The following CDRT4 variants were observed in gnomAD, a reference collection of about 807,000 sequenced individuals.
CDRT4 encodes the protein CMT1A duplicated region transcript 4, also known as CMT1A duplicated region transcript 4 protein.
For synonymous variants in CDRT4, 64 were observed against 69.6 expected (o/e 0.92, Z 0.40); for missense variants, 167 against 193.1 (o/e 0.87, Z 0.80).
rs192262741 is a variant in CDRT4, at chr17:15,464,372, G to C, written c.-130+3088C>G. 1.7e-3 allele frequency among the ~76,000 whole-genome samples: 266 copies of C among 152,244 alleles called. 7 individuals carry two copies. Among genetic ancestry groups the C allele is most frequent in the Admixed American group, 0.016 (251 of 15,290 alleles). ...TGGCCCCTGGCACAAGTCAAAGGAGGAAATGATTAGCACGGGTCCATGAGC... is the reference window on the plus strand; with the variant it reads ...TGGCCCCTGGCACAAGTCAAAGGAGCAAATGATTAGCACGGGTCCATGAGC... On this transcript the variant is annotated intron_variant, in intron 1 of 3. Transcript: ENST00000619038. This position sits in a 1 kb window ranked among gnomAD's most constrained non-coding sequence, Gnocchi z 4.5.
chr17:15,453,108 G>A (rs934495406), intron 1 of CDRT4, 23 bp from the exon 2 acceptor site: 1 of 152,196 alleles, frequency 6.6e-6, no homozygotes, highest in African/African-American at 2.4e-5. Context: ...GAATGAGGAA[G>A]GTTAACTGGC....
At chr17:15,448,262 T>C (rs189103017) in intron 2 of CDRT4, among the ~76,000 whole-genome samples, 1 of 152,280 alleles carries the variant, frequency 6.6e-6, no homozygotes, top group Non-Finnish European at 1.5e-5. Context: ...AGTCTCCACT[T>C]CTAAGGAACT....
In CDRT4 at chr17:15,464,051, G is replaced by A. The variant is rs1216162963; in HGVS notation, c.-130+3409C>T. The stretch of plus-strand genomic sequence containing the variant: ...GGGACCAGGAACCCAATGCCCTCTA[G>A]GAGTATGGCATGGAGGGGCAGACCT... On this transcript the variant is annotated intron_variant, in intron 1 of 3. Coordinates refer to ENST00000619038, the MANE Select transcript of CDRT4 (RefSeq NM_001204477.2). The surrounding 1 kb of genome is among the most constrained non-coding windows in gnomAD (Gnocchi z 4.5). 2.0e-5 allele frequency among the ~76,000 whole-genome samples: 3 copies of A among 152,224 alleles called. No individual in the cohort carries two copies. In the East Asian group the frequency reaches 5.8e-4, roughly 29 times the overall value.
In CDRT4 at chr17:15,436,635, C is replaced by A. The variant is rs1052147133; in HGVS notation, c.*1138G>T. On this transcript the variant is annotated 3_prime_UTR_variant, in exon 4 of 4. Transcript: ENST00000619038. ...CTGCCAGGAGCTCCTCCCCCAAGCA[C>A]TTGGTTCCACAAGGCAAACCCCAGA... is the stretch of plus-strand genomic sequence containing the variant. 1 of 152,234 alleles carries A rather than the reference C, an allele frequency of 6.6e-6. No homozygotes were observed. The highest frequency in any genetic ancestry group is 1.5e-5 in the Non-Finnish European group (1 of 68,058). 9.4% of individuals were successfully genotyped at this position (152,234 alleles called of 1,614,324 possible). A position where few individuals can be genotyped will look rare whatever the true frequency, so the allele number is the denominator to read the frequency against.
At chr17:15,459,530 C>T (rs558137140) in intron 1 of CDRT4, among the ~76,000 whole-genome samples, 5 of 150,738 alleles carry the variant, frequency 3.3e-5, no homozygotes, top group South Asian at 4.2e-4. Flanking sequence ...CTGCAAGCTC[C>T]GCCTCCTGGA....
chr17:15,453,440 A>G (rs1356371871), intron 1 of CDRT4, among the ~76,000 whole-genome samples: 1 of 152,190 alleles, frequency 6.6e-6, no homozygotes, highest in Non-Finnish European at 1.5e-5. Flanking sequence ...CCAATTAAAC[A>G]AAAAGGGTTT....
At chr17:15,466,654 C>A (rs1980056213) in intron 1 of CDRT4, among the ~76,000 whole-genome samples, 1 of 152,168 alleles carries the variant, frequency 6.6e-6, no homozygotes, top group Non-Finnish European at 1.5e-5. Context: ...CAGACACACA[C>A]CTGGACTCAA....
chr17:15,445,790 G>A (rs1374700982), intron 2 of CDRT4, among the ~76,000 whole-genome samples: 3 of 152,098 alleles, frequency 2.0e-5, no homozygotes, highest in African/African-American at 7.2e-5. Flanking sequence ...TCTCTTCTCT[G>A]CTCCAATCTG....
chr17:15,467,096 T>C (rs1980077273), intron 1 of CDRT4, among the ~76,000 whole-genome samples: 1 of 152,122 alleles, frequency 6.6e-6, no homozygotes, highest in African/African-American at 2.4e-5. Flanking sequence ...ATTTTGTGTG[T>C]GTGTGTTTTG....
intron 2 of CDRT4, among the ~76,000 whole-genome samples, chr17:15,444,732 G>C (rs939057925): frequency 2.0e-5 from 3 of 150,906 alleles, no homozygotes; most frequent in Admixed American, 6.6e-5. Context: ...GAGAGAGAGA[G>C]AGAGAGAGAG....
At position 15,436,043 on chromosome 17, in the gene CDRT4, C is replaced by T. The variant is rs1269468371; in HGVS notation, c.*1730G>A. 1 of 152,112 alleles carries T rather than the reference C, an allele frequency of 6.6e-6. No homozygotes were observed. Among genetic ancestry groups the T allele is most frequent in the African/African-American group, 2.4e-5 (1 of 41,436 alleles). The allele number at this position is 152,112 out of a possible 1,614,324, so 9.4% of individuals were successfully genotyped here. On this transcript the variant is annotated 3_prime_UTR_variant, in exon 4 of 4. Transcript: ENST00000619038. ...AAAAATTATTGGAGGAATTTATTGCCTGCCTCCATGTCTATAAACGTTCCA... is the reference window on the plus strand; with the variant it reads ...AAAAATTATTGGAGGAATTTATTGCTTGCCTCCATGTCTATAAACGTTCCA...
Position 15,436,884 on chromosome 17 carries a change from T to C in CDRT4, c.*889A>G, listed in dbSNP as rs1182867533. ...GATTCTACAAACCACATTCTGGCTT[T>C]GTGCCCTGATAGGCTCAGCCCCCAG... On this transcript the variant is annotated 3_prime_UTR_variant, in exon 4 of 4. Transcript: ENST00000619038. The C allele has an allele frequency of 1.3e-5, 2 of 152,192 alleles. No individual in the cohort carries two copies. Among genetic ancestry groups the C allele is most frequent in the Non-Finnish European group, 2.9e-5 (2 of 68,042 alleles). The allele number at this position is 152,192 out of a possible 1,614,324, so 9.4% of individuals were successfully genotyped here.
intron 1 of CDRT4, among the ~76,000 whole-genome samples, chr17:15,467,121 T>C (rs1980078162): frequency 1.3e-5 from 2 of 152,132 alleles, no homozygotes; most frequent in Non-Finnish European, 2.9e-5. Flanking sequence ...AGTAGAGTGG[T>C]CAGCCCTGAG....
chr17:15,447,730 G>C (rs1413208700), intron 2 of CDRT4, among the ~76,000 whole-genome samples: 1 of 152,130 alleles, frequency 6.6e-6, no homozygotes, highest in Non-Finnish European at 1.5e-5. Context: ...ATTATCTATT[G>C]ATCTATTATC....
chr17:15,451,813 C>T (rs1979276981), intron 2 of CDRT4, among the ~76,000 whole-genome samples: 1 of 152,202 alleles, frequency 6.6e-6, no homozygotes, highest in Non-Finnish European at 1.5e-5. Context: ...TTTTAATACT[C>T]TGTCTAACAC....
chr17:15,466,719 G>A (rs1006752089), intron 1 of CDRT4, among the ~76,000 whole-genome samples: 2 of 151,844 alleles, frequency 1.3e-5, no homozygotes, highest in Non-Finnish European at 2.9e-5. Flanking sequence ...GCACACCAAT[G>A]CCCAGCTAAT....
At chr17:15,460,582 A>C (rs1266433546) in intron 1 of CDRT4, among the ~76,000 whole-genome samples, 2 of 152,208 alleles carry the variant, frequency 1.3e-5, no homozygotes, top group African/African-American at 4.8e-5. Context: ...CAGTGGAAGC[A>C]GAATTCCACG....
intron 3 of CDRT4, among the ~76,000 whole-genome samples, chr17:15,439,885 A>T (rs1474042485): frequency 6.6e-6 from 1 of 152,144 alleles, no homozygotes; most frequent in Non-Finnish European, 1.5e-5. Flanking sequence ...GTGGGAATTG[A>T]ACAATGAGAA....
rs2954776 is a variant in CDRT4 at position 15,450,399 on chromosome 17, G to A, written c.-48+2605C>T. 0.22 allele frequency among the ~76,000 whole-genome samples: 33,968 copies of A among 151,894 alleles called. 7,370 individuals carry two copies. The highest frequency in any genetic ancestry group is 0.53 in the African/African-American group (21,798 of 41,372). ...GTCAAAGAACACCTCTCCACTTGCA[G>A]CTCAGGCCTCTCACCCTCCACCTTC... On this transcript the variant is annotated intron_variant, in intron 2 of 3. Coordinates refer to ENST00000619038, the MANE Select transcript of CDRT4 (RefSeq NM_001204477.2). The surrounding 1 kb of genome is among the most constrained non-coding windows in gnomAD (Gnocchi z 4.2).
Sources: gnomAD v4.1 joint callset for allele counts (sites outside exome capture counted in the v4.1 genomes callset) on GRCh38, gnomAD v4.1.1 for gene constraint, Gnocchi (gnomAD v3.1) non-coding constraint, MANE v1.5 for transcripts, NCBI Gene and HGNC (gene_info 2026-07-23, HGNC 2026-07-21) for gene names.